Variants in PGCKA1 observed in about 807,000 individuals in gnomAD.
The protein encoded by PGCKA1 is PDCD10 and GCKIII kinases-associated protein 1.
At chr4:37,481,486 AAAAAAAAAAAAAAAG>A in the PGCKA1 span, among the ~76,000 whole-genome samples, 6 of 75,596 alleles carry the variant, frequency 7.9e-5, no homozygotes, top group East Asian at 4.8e-4. Context: ...AAAAAAAAAA[AAAAAAAAAAAAAAAG>A]AAGTCCAAGA....
At chr4:37,572,255 A>G in the PGCKA1 span, among the ~76,000 whole-genome samples, 1 of 149,754 alleles carries the variant, frequency 6.7e-6, no homozygotes, top group African/African-American at 2.5e-5. Flanking sequence ...TTTAGTAGAG[A>G]TGGGGTTTCA....
At chr4:37,469,044 G>C in the PGCKA1 span, among the ~76,000 whole-genome samples, 2 of 151,954 alleles carry the variant, frequency 1.3e-5, no homozygotes, top group African/African-American at 4.8e-5. Flanking sequence ...TATTTTTACT[G>C]TACATTTACT....
chr4:37,461,903 C>A, the PGCKA1 span, among the ~76,000 whole-genome samples: 1 of 151,960 alleles, frequency 6.6e-6, no homozygotes, highest in Admixed American at 6.5e-5. Flanking sequence ...GGACTCGATG[C>A]CAGATCTTCT....
chr4:37,571,388 G>C, the PGCKA1 span, among the ~76,000 whole-genome samples: 1 of 87,622 alleles, frequency 1.1e-5, no homozygotes, highest in Non-Finnish European at 1.9e-5. Context: ...TTTTGAGACA[G>C]ACCTCACTCT....
chr4:37,589,098 C>T, the PGCKA1 span, among the ~76,000 whole-genome samples: 1 of 152,150 alleles, frequency 6.6e-6, no homozygotes, highest in Non-Finnish European at 1.5e-5. Flanking sequence ...TTTTTGCTCA[C>T]TTCTCAAAGC....
At chr4:37,464,265 C>T in the PGCKA1 span, among the ~76,000 whole-genome samples, 1 of 152,128 alleles carries the variant, frequency 6.6e-6, no homozygotes, top group African/African-American at 2.4e-5. Flanking sequence ...CCTGGCTGCC[C>T]CAGAAGAGAC....
chr4:37,522,982 C>T, the PGCKA1 span, among the ~76,000 whole-genome samples: 1 of 152,104 alleles, frequency 6.6e-6, no homozygotes, highest in South Asian at 2.1e-4. Context: ...CCCTTAGTCA[C>T]CCCAGCGGAT....
the PGCKA1 span, among the ~76,000 whole-genome samples, chr4:37,536,750 A>G: frequency 2.0e-5 from 3 of 152,250 alleles, no homozygotes; most frequent in Non-Finnish European, 4.4e-5. Context: ...GCAGCCACAG[A>G]CAATGCATAA....
chr4:37,580,686 G>T, the PGCKA1 span, among the ~76,000 whole-genome samples: 1 of 152,318 alleles, frequency 6.6e-6, no homozygotes, highest in East Asian at 1.9e-4. Flanking sequence ...TGATCACTAG[G>T]ACTGTGCTGG....
At chr4:37,480,094 T>C in the PGCKA1 span, among the ~76,000 whole-genome samples, 1 of 152,176 alleles carries the variant, frequency 6.6e-6, no homozygotes, top group Admixed American at 6.5e-5. Flanking sequence ...CATCAGAAAT[T>C]GGCAGTGCAT....
At chr4:37,547,486 A>G in the PGCKA1 span, among the ~76,000 whole-genome samples, 1 of 152,314 alleles carries the variant, frequency 6.6e-6, no homozygotes, top group African/African-American at 2.4e-5. Flanking sequence ...AAATTTCAAG[A>G]AAGGATTTAA....
chr4:37,491,332 C>T, the PGCKA1 span, among the ~76,000 whole-genome samples: 4 of 152,164 alleles, frequency 2.6e-5, no homozygotes, highest in African/African-American at 9.6e-5. Flanking sequence ...AATTATATCT[C>T]GATTTCAATT....
chr4:37,560,280 T>C, the PGCKA1 span, among the ~76,000 whole-genome samples: 1 of 152,178 alleles, frequency 6.6e-6, no homozygotes, highest in African/African-American at 2.4e-5. Flanking sequence ...TCTTTCTTCT[T>C]CCTTAGCCAA....
chr4:37,472,178 G>A, the PGCKA1 span, among the ~76,000 whole-genome samples: 8 of 152,160 alleles, frequency 5.3e-5, no homozygotes, highest in Non-Finnish European at 1.2e-4. Context: ...AGGCTTGAGC[G>A]ACTTCAGCCT....
At chr4:37,520,784 A>C in the PGCKA1 span, among the ~76,000 whole-genome samples, 1 of 151,862 alleles carries the variant, frequency 6.6e-6, no homozygotes, top group Non-Finnish European at 1.5e-5. Flanking sequence ...TGCCTGGCTA[A>C]ATTTTTGTAT....
chr4:37,486,241 G>T, the PGCKA1 span, among the ~76,000 whole-genome samples: 5 of 152,098 alleles, frequency 3.3e-5, no homozygotes, highest in African/African-American at 1.2e-4. Context: ...CTTAGGTGAA[G>T]ATTTTTTTTT....
the PGCKA1 span, among the ~76,000 whole-genome samples, chr4:37,466,964 G>C: frequency 9.9e-5 from 15 of 152,176 alleles, no homozygotes; most frequent in Non-Finnish European, 1.5e-4. Context: ...TGGGCATGGT[G>C]GTGGGCACCT....
chr4:37,549,669 G>A, the PGCKA1 span, among the ~76,000 whole-genome samples: 1 of 152,084 alleles, frequency 6.6e-6, no homozygotes, highest in Non-Finnish European at 1.5e-5. Context: ...CCCTAACCCC[G>A]CCACCTTACT....
At chr4:37,484,322 C>T in the PGCKA1 span, among the ~76,000 whole-genome samples, 6 of 151,918 alleles carry the variant, frequency 3.9e-5, no homozygotes, top group African/African-American at 1.4e-4. Context: ...GAGAACCAAG[C>T]AAAAAGGGAA....
Sources: gnomAD v4.1 joint callset for allele counts (sites outside exome capture counted in the v4.1 genomes callset) on GRCh38, gnomAD v4.1.1 for gene constraint, MANE v1.5 for transcripts, NCBI Gene and HGNC (gene_info 2026-07-23, HGNC 2026-07-21) for gene names.